INSC: variants seen among roughly 807,000 people sequenced by gnomAD.
INSC encodes the protein INSC spindle orientation adaptor protein.
INSC carries 67 observed loss-of-function variants against 58.6 expected under a neutral mutation model. The ratio of observed to expected loss-of-function variants is 1.14; its 90% CI spans 0.94 to 1.40. INSC has a LOEUF of 1.40. Among genes scored for constraint, INSC ranks in the 40% most tolerant of loss-of-function variants. The pLI, the probability that INSC is intolerant of heterozygous loss-of-function variation, is 0.00. For missense variants in INSC, 714 were observed against 692.0 expected, an observed-to-expected ratio of 1.03 and a Z score of -0.36; for synonymous variants, 262 against 276.1, an observed-to-expected ratio of 0.95 and a Z score of 0.51.
intron 7 of INSC, among the ~76,000 whole-genome samples, chr11:15,216,776 A>G (rs1007747329): frequency 1.3e-5 from 2 of 152,098 alleles, no homozygotes; most frequent in Non-Finnish European, 2.9e-5. Flanking sequence ...GAGTGTGCAG[A>G]AAGGACTTCT....
At chr11:15,202,449 T>C (rs1850629429) in intron 7 of INSC, among the ~76,000 whole-genome samples, 1 of 152,150 alleles carries the variant, frequency 6.6e-6, no homozygotes, top group South Asian at 2.1e-4. Context: ...GCTATGCGTG[T>C]GCTCTCTTAT....
downstream of INSC, among the ~76,000 whole-genome samples, chr11:15,247,733 G>T (rs1453727285): frequency 7.8e-6 from 1 of 127,458 alleles, no homozygotes; most frequent in Non-Finnish European, 1.7e-5. Flanking sequence ...TAGAAATAAG[G>T]TATATATATA....
At chr11:15,244,467 TG>T (rs1263658566) in intron 12 of INSC, among the ~76,000 whole-genome samples, 1 of 152,184 alleles carries the variant, frequency 6.6e-6, no homozygotes, top group Non-Finnish European at 1.5e-5. Context: ...TTCACTTTGT[TG>T]GCCTGATTTC....
At chr11:15,247,537 C>A (rs1852601499), downstream of INSC, among the ~76,000 whole-genome samples, 1 of 151,882 alleles carries the variant, frequency 6.6e-6, no homozygotes, top group South Asian at 2.1e-4. Context: ...TAACCAGGTG[C>A]CATGGACTTG....
At chr11:15,114,868 G>A (rs1406296149), upstream of INSC, 10 of 894,182 alleles carry the variant, frequency 1.1e-5, no homozygotes, top group Non-Finnish European at 1.3e-5. Flanking sequence ...AGAACGGGGC[G>A]GGGGGTGGGG....
In INSC at chr11:15,115,010, A is replaced by G. The variant is rs976235639; in HGVS notation, c.-46+7A>G. ...AGCCTGTCTCGCACGCTAAGTAAGT[A>G]GACAGCTCCCCTAGCTGGATTCAGG... On this transcript the variant is annotated splice_region_variant and intron_variant, in intron 1 of 12. Transcript: ENST00000379556. The G allele has an allele frequency of 3.0e-5, 30 of 985,384 alleles. No homozygotes were observed. In the African/African-American group the frequency reaches 4.9e-4, roughly 16 times the overall value. 61.0% of individuals were successfully genotyped at this position (985,384 alleles called of 1,614,324 possible).
At chr11:15,127,595 A>G (rs1476347998) in intron 1 of INSC, among the ~76,000 whole-genome samples, 1 of 152,186 alleles carries the variant, frequency 6.6e-6, no homozygotes, top group Non-Finnish European at 1.5e-5. Flanking sequence ...GTAGTGAGTT[A>G]TACTTGTGAG....
At chr11:15,264,296 T>A in the INSC span, among the ~76,000 whole-genome samples, 1 of 147,072 alleles carries the variant, frequency 6.8e-6, no homozygotes, top group African/African-American at 2.5e-5. Flanking sequence ...TCCCTTTTGC[T>A]GTATCTCTAT....
At chr11:15,206,057 C>G (rs1850784899) in intron 7 of INSC, among the ~76,000 whole-genome samples, 1 of 152,218 alleles carries the variant, frequency 6.6e-6, no homozygotes, top group Admixed American at 6.5e-5. Context: ...TCCCTGCATC[C>G]TAAGCTTCAG....
chr11:15,202,880 A>T (rs1184870717), intron 7 of INSC, among the ~76,000 whole-genome samples: 1 of 152,208 alleles, frequency 6.6e-6, no homozygotes, highest in Non-Finnish European at 1.5e-5. Flanking sequence ...CAAATGCCAG[A>T]GTGCTTTAAT....
intron 7 of INSC, among the ~76,000 whole-genome samples, chr11:15,204,875 C>T (rs945561297): frequency 9.2e-5 from 14 of 152,188 alleles, no homozygotes; most frequent in African/African-American, 3.4e-4. Context: ...CCCTCCTTTC[C>T]TTCAACCGTG....
In INSC at chr11:15,149,246, G is replaced by A. The variant is rs762628642; in HGVS notation, c.56+16G>A. On this transcript the variant is annotated intron_variant, in intron 2 of 12. Transcript: ENST00000379556. Reference sequence around the variant, plus strand: ...CGGGTCAGCGGTAAGTCCTACAGCTGTCACTCCAGGCCAGGCCTGCCCCAT... The same window carrying A: ...CGGGTCAGCGGTAAGTCCTACAGCTATCACTCCAGGCCAGGCCTGCCCCAT... The A allele has an allele frequency of 6.4e-6, 10 of 1,567,232 alleles. No homozygotes were observed. Among genetic ancestry groups the A allele is most frequent in the Non-Finnish European group, 8.6e-6 (10 of 1,156,348 alleles).
intron 9 of INSC, among the ~76,000 whole-genome samples, chr11:15,228,372 G>A (rs150260260): frequency 6.7e-4 from 102 of 152,306 alleles, no homozygotes; most frequent in African/African-American, 2.0e-3. Context: ...ATGTGGTTGC[G>A]CTGCCAGCAG....
chr11:15,269,533 T>G, the INSC span, among the ~76,000 whole-genome samples: 8 of 151,982 alleles, frequency 5.3e-5, no homozygotes, highest in African/African-American at 9.7e-5. Context: ...ATGGTTTTTT[T>G]TTTGTTTGTT....
chr11:15,239,537 A>C (rs1272370628), intron 11 of INSC, among the ~76,000 whole-genome samples: 1 of 152,098 alleles, frequency 6.6e-6, no homozygotes, highest in Non-Finnish European at 1.5e-5. Context: ...TCAGTCACTT[A>C]TTTACCCAAC....
intron 5 of INSC, among the ~76,000 whole-genome samples, chr11:15,189,526 A>G (rs188706025): frequency 1.2e-4 from 19 of 152,334 alleles, no homozygotes; most frequent in African/African-American, 4.6e-4. Flanking sequence ...GTGCCACTGC[A>G]GATGGCTTAT....
At chr11:15,112,589 T>TGA (rs770234127), upstream of INSC, 2 of 1,176,860 alleles carry the variant, frequency 1.7e-6, no homozygotes, top group African/African-American at 2.0e-5. Context: ...AAGGTGGATG[T>TGA]GAGTGTGTGT....
Position 15,128,250 on chromosome 11 carries a change from C to T in INSC, c.-46+13247C>T, listed in dbSNP as rs572507599. ...CTATCCCGCCAAATGGCTGATTTTTCACTTTGCCTGAATTATATCTTTCAC... is the reference window on the plus strand; with the variant it reads ...CTATCCCGCCAAATGGCTGATTTTTTACTTTGCCTGAATTATATCTTTCAC... On this transcript the variant is annotated intron_variant, in intron 1 of 12. Coordinates refer to ENST00000379556, the MANE Select transcript of INSC (RefSeq NM_001042536.3). Among the ~76,000 whole-genome samples the T allele has an allele frequency of 1.1e-4, 16 of 152,264 alleles. 1 individual carries two copies. In the East Asian group the frequency reaches 3.1e-3, roughly 29 times the overall value.
At chr11:15,225,882 T>G (rs528812781) in intron 9 of INSC, 54 bp downstream of exon 9, 5 of 1,548,406 alleles carry the variant, frequency 3.2e-6, no homozygotes, top group Non-Finnish European at 4.4e-6. Flanking sequence ...GAGACAGAAG[T>G]TAGGAGGCCA....
Sources: allele counts gnomAD v4.1 joint callset (sites outside exome capture counted in the v4.1 genomes callset), GRCh38; gene constraint gnomAD v4.1.1; transcripts MANE v1.5; gene names NCBI Gene and HGNC (gene_info 2026-07-23, HGNC 2026-07-21).